MTHFD2L: variants seen among roughly 807,000 people sequenced by gnomAD.
MTHFD2L encodes the protein methylenetetrahydrofolate dehydrogenase (NADP+ dependent) 2 like.
In MTHFD2L, 29 loss-of-function variants were observed where a neutral mutation model predicts 34.9. That is an observed-to-expected ratio of 0.83 (90% CI 0.62 to 1.13). MTHFD2L has a LOEUF of 1.13. Ranked by LOEUF, MTHFD2L falls within the 50% of genes most tolerant of loss-of-function variation. The pLI is 0.00. For synonymous variants in MTHFD2L, 167 were observed against 155.7 expected, an observed-to-expected ratio of 1.07 and a Z score of -0.54; for missense variants, 481 against 446.5, an observed-to-expected ratio of 1.08 and a Z score of -0.70.
intron 1 of MTHFD2L, among the ~76,000 whole-genome samples, chr4:74,146,457 G>A (rs181035876): frequency 4.1e-4 from 62 of 152,198 alleles, no homozygotes; most frequent in African/African-American, 1.5e-3. Context: ...TCAATCTCCA[G>A]AACTCTTTTC....
At chr4:74,291,003 C>CCTTTTT (rs1748846516) in intron 7 of MTHFD2L, among the ~76,000 whole-genome samples, 1 of 29,272 alleles carries the variant, frequency 3.4e-5, no homozygotes, top group Non-Finnish European at 6.5e-5. Context: ...TTTTCCTTTT[C>CCTTTTT]TTTTTTTTTT....
chr4:74,174,847 A>G (rs955292548), intron 2 of MTHFD2L, among the ~76,000 whole-genome samples, 157 bp downstream of exon 2: 13 of 152,192 alleles, frequency 8.5e-5, no homozygotes, highest in African/African-American at 2.7e-4. Context: ...TGTTAATTTC[A>G]TATGATTTTT....
At chr4:74,291,166 C>T (rs1307954770) in intron 7 of MTHFD2L, among the ~76,000 whole-genome samples, 2 of 151,128 alleles carry the variant, frequency 1.3e-5, no homozygotes, top group South Asian at 2.1e-4. Flanking sequence ...TACAGACGCA[C>T]GTGCCACACC....
chr4:74,205,369 A>C (rs910549031), intron 5 of MTHFD2L, among the ~76,000 whole-genome samples: 1 of 152,212 alleles, frequency 6.6e-6, no homozygotes, highest in Non-Finnish European at 1.5e-5. Context: ...ACTTGTTCTA[A>C]TGACACTCAA....
chr4:74,294,041 T>C (rs1347762256), intron 7 of MTHFD2L, among the ~76,000 whole-genome samples: 1 of 152,082 alleles, frequency 6.6e-6, no homozygotes, highest in Non-Finnish European at 1.5e-5. Context: ...AAAAAATAAT[T>C]ATAGCATTGT....
chr4:74,263,438 T>C (rs576683528), intron 6 of MTHFD2L, among the ~76,000 whole-genome samples: 1 of 152,118 alleles, frequency 6.6e-6, no homozygotes, highest in African/African-American at 2.4e-5. Flanking sequence ...TTTAATGATA[T>C]TGATTCTTTC....
intron 6 of MTHFD2L, among the ~76,000 whole-genome samples, chr4:74,265,327 T>C (rs1290242527): frequency 6.6e-6 from 1 of 152,142 alleles, no homozygotes; most frequent in Non-Finnish European, 1.5e-5. Context: ...ACGTGTCTCA[T>C]CCTTATCCAG....
chr4:74,291,390 C>T (rs1392341238), intron 7 of MTHFD2L, among the ~76,000 whole-genome samples: 2 of 152,036 alleles, frequency 1.3e-5, no homozygotes, highest in Non-Finnish European at 2.9e-5. Context: ...TATGAACATT[C>T]TCTGTATTTA....
chr4:74,255,916 G>A (rs1351709400), intron 6 of MTHFD2L, among the ~76,000 whole-genome samples: 2 of 152,110 alleles, frequency 1.3e-5, no homozygotes, highest in African/African-American at 4.8e-5. Context: ...GGACATCTAG[G>A]TTGATGCTAT....
intron 3 of MTHFD2L, among the ~76,000 whole-genome samples, chr4:74,179,622 TA>T (rs1482965616): frequency 6.6e-6 from 1 of 151,486 alleles, no homozygotes; most frequent in Non-Finnish European, 1.5e-5. Context: ...ACTTTCCTCA[TA>T]AAAAGAGAAT....
At chr4:74,144,004 A>G (rs1364428717) in intron 1 of MTHFD2L, among the ~76,000 whole-genome samples, 2 of 152,188 alleles carry the variant, frequency 1.3e-5, no homozygotes, top group Non-Finnish European at 2.9e-5. Flanking sequence ...ATTCCTGGAG[A>G]GGTATGGCAG....
chr4:74,247,750 G>C (rs1742694647), intron 6 of MTHFD2L, among the ~76,000 whole-genome samples: 1 of 152,134 alleles, frequency 6.6e-6, no homozygotes, highest in South Asian at 2.1e-4. Context: ...TGTGGTTTTT[G>C]TCTTTGGTTC....
rs188288580 is a variant in MTHFD2L at position 74,125,869 on chromosome 4, A to T, written c.-297+352A>T. 3.5e-3 allele frequency among the ~76,000 whole-genome samples: 535 copies of T among 152,316 alleles called. 3 individuals carry two copies. Among genetic ancestry groups the T allele is most frequent in the Middle Eastern group, 0.01 (3 of 294 alleles). ...AATGAATAAGAAAAAATTAAAGAGCATTCTTCCATGGTTTCCAAGAATTTC... is the reference window on the plus strand; with the variant it reads ...AATGAATAAGAAAAAATTAAAGAGCTTTCTTCCATGGTTTCCAAGAATTTC... On this transcript the variant is annotated intron_variant, in intron 1 of 7. Coordinates refer to the MTHFD2L transcript ENST00000433372.
Position 74,125,618 on chromosome 4 carries a change from G to A in MTHFD2L, c.-297+101G>A, listed in dbSNP as rs138486526. 3.3e-3 allele frequency: 507 copies of A among 151,974 alleles called. 6 individuals carry two copies. Among genetic ancestry groups the A allele is most frequent in the African/African-American group, 0.011 (473 of 41,442 alleles). 9.4% of individuals were successfully genotyped at this position (151,974 alleles called of 1,614,324 possible). A position where few individuals can be genotyped will look rare whatever the true frequency, so the allele number is the denominator to read the frequency against. Reference sequence around the variant, plus strand: ...TGTCAGTTTAAGAGTTTTACCTAATGGAATCTCACTTTTATTTATTTTTTT... The same window carrying A: ...TGTCAGTTTAAGAGTTTTACCTAATAGAATCTCACTTTTATTTATTTTTTT... On this transcript the variant is annotated intron_variant, in intron 1 of 7. Coordinates refer to the MTHFD2L transcript ENST00000433372.
intron 6 of MTHFD2L, among the ~76,000 whole-genome samples, chr4:74,231,413 C>A (rs1398672563): frequency 1.3e-5 from 2 of 152,110 alleles, no homozygotes; most frequent in African/African-American, 4.8e-5. Flanking sequence ...CTCATGCAAC[C>A]CGGGAGTACA....
intron 6 of MTHFD2L, among the ~76,000 whole-genome samples, chr4:74,255,121 G>A (rs1292441625): frequency 5.8e-5 from 6 of 103,580 alleles, no homozygotes; most frequent in Non-Finnish European, 8.9e-5. Context: ...GGCAAAAAGA[G>A]CGAGACTCCA....
At chr4:74,197,495 C>T (rs1733688947) in intron 3 of MTHFD2L, among the ~76,000 whole-genome samples, 1 of 152,052 alleles carries the variant, frequency 6.6e-6, no homozygotes, top group South Asian at 2.1e-4. Context: ...CAATACATTT[C>T]TTGGGATATT....
chr4:74,285,467 T>A (rs984482467), intron 7 of MTHFD2L, among the ~76,000 whole-genome samples: 2 of 152,168 alleles, frequency 1.3e-5, no homozygotes, highest in African/African-American at 4.8e-5. Context: ...CAGTTCTCAA[T>A]GTTTCCAAAA....
chr4:74,172,286 T>C (rs1227652366), intron 1 of MTHFD2L, among the ~76,000 whole-genome samples: 1 of 152,188 alleles, frequency 6.6e-6, no homozygotes, highest in African/African-American at 2.4e-5. Context: ...CTCAGGTATA[T>C]ACATATATTA....
Sources: gnomAD v4.1 joint callset for allele counts (sites outside exome capture counted in the v4.1 genomes callset) on GRCh38, gnomAD v4.1.1 for gene constraint, MANE v1.5 for transcripts, NCBI Gene and HGNC (gene_info 2026-07-23, HGNC 2026-07-21) for gene names.